Variants in CCDC30 observed in about 807,000 individuals in gnomAD.
The protein encoded by CCDC30 is coiled-coil domain containing 30, also known as coiled-coil domain-containing protein 30.
A neutral mutation model predicts 100.2 loss-of-function variants in CCDC30; 70 were observed. That is an observed-to-expected ratio of 0.70 (90% CI 0.58 to 0.85). The LOEUF (loss-of-function observed/expected upper bound fraction) is 0.85, where lower values mean the gene tolerates loss of function less well. CCDC30 is among the 40% of genes least tolerant of loss of function. The probability of loss-of-function intolerance (pLI) is 0.00; values close to 1 mark genes in which losing one functional copy is unlikely to be tolerated. For missense variants in CCDC30, 652 were observed against 771.2 expected (o/e 0.85, Z 1.83); for synonymous variants, 233 against 269.5 (o/e 0.86, Z 1.33).
chr1:42,615,049 T>C (rs1646698761), intron 11 of CCDC30, among the ~76,000 whole-genome samples: 1 of 152,126 alleles, frequency 6.6e-6, no homozygotes. Context: ...AATCGTAGAG[T>C]CATCAAATGA....
intron 7 of CCDC30, chr1:42,568,987 T>G (rs971877613): frequency 2.0e-5 from 3 of 150,444 alleles, no homozygotes; most frequent in Non-Finnish European, 4.4e-5. Context: ...AACTTGAGTA[T>G]CTAGCTAATG....
chr1:42,464,822 A>G (rs1359814080), intron 1 of CCDC30, among the ~76,000 whole-genome samples: 3 of 152,224 alleles, frequency 2.0e-5, no homozygotes, highest in African/African-American at 4.8e-5. Context: ...TGGGGCTACA[A>G]TGATTTGGAT....
At chr1:42,474,475 A>G (rs1207411194) in intron 1 of CCDC30, among the ~76,000 whole-genome samples, 4 of 152,196 alleles carry the variant, frequency 2.6e-5, no homozygotes, top group African/African-American at 7.2e-5. Flanking sequence ...TAAAGAGGAA[A>G]CGAAAGTTTG....
upstream of CCDC30, chr1:42,459,456 C>T: frequency 1.4e-6 from 1 of 738,438 alleles, no homozygotes; most frequent in Non-Finnish European, 2.2e-6. Context: ...CACTGTGTTC[C>T]CCTAAGACTT....
chr1:42,630,970 C>G (rs796594132), intron 11 of CCDC30, among the ~76,000 whole-genome samples: 3 of 152,102 alleles, frequency 2.0e-5, no homozygotes, highest in African/African-American at 7.2e-5. Context: ...GTCCCTGGTG[C>G]CTTGTTTAGT....
intron 6 of CCDC30, among the ~76,000 whole-genome samples, chr1:42,505,999 T>C (rs888134911): frequency 2.6e-5 from 4 of 152,242 alleles, no homozygotes; most frequent in Non-Finnish European, 5.9e-5. Context: ...CTTATTGTAC[T>C]GATGCAAATA....
At chr1:42,589,679 G>A in intron 10 of CCDC30, 196 bp downstream of exon 14, 1 of 450,816 alleles carries the variant, frequency 2.2e-6, no homozygotes, top group South Asian at 4.3e-5. Context: ...AGTTGGAAGG[G>A]ACCAGGGGAG....
downstream of CCDC30, among the ~76,000 whole-genome samples, chr1:42,655,411 A>G (rs1648622858): frequency 6.6e-6 from 1 of 151,930 alleles, no homozygotes; most frequent in South Asian, 2.1e-4. Flanking sequence ...CAGGTGTGGT[A>G]GTGCGCGCGC....
rs144186781 is a variant in CCDC30 at position 42,529,411 on chromosome 1, G to A, written c.456+30495G>A. ...AGCTTGAAACCAGAAGACAGAGGTT[G>A]CAGTGAGCTGAGATCATGCCACTGC... On this transcript the variant is annotated intron_variant, in intron 6 of 16. Coordinates refer to ENST00000668663, the Ensembl canonical transcript of CCDC30. Among the ~76,000 whole-genome samples the A allele has an allele frequency of 1.9e-3, 291 of 152,288 alleles. 4 individuals carry two copies. The highest frequency in any genetic ancestry group is 4.5e-3 in the African/African-American group (185 of 41,544).
intron 7 of CCDC30, among the ~76,000 whole-genome samples, chr1:42,569,939 A>T (rs12564507): frequency 0.14 from 20,593 of 152,120 alleles, 1,516 homozygotes; most frequent in East Asian, 0.17. Context: ...GAACACATGG[A>T]CACAGGGAGC....
intron 6 of CCDC30, among the ~76,000 whole-genome samples, chr1:42,549,879 T>C (rs1645215128): frequency 6.6e-6 from 1 of 152,198 alleles, no homozygotes; most frequent in Admixed American, 6.5e-5. Context: ...TCCTTGACCT[T>C]AATGAGCTTT....
intron 3 of CCDC30, among the ~76,000 whole-genome samples, chr1:42,486,321 G>C (rs958985541): frequency 9.2e-5 from 14 of 152,160 alleles, no homozygotes; most frequent in African/African-American, 3.1e-4. Flanking sequence ...CTTAAGAAAG[G>C]ACTGCTTATA....
chr1:42,458,817 G>A (rs1303157632), upstream of CCDC30, among the ~76,000 whole-genome samples: 1 of 152,170 alleles, frequency 6.6e-6, no homozygotes, highest in Non-Finnish European at 1.5e-5. Context: ...TTTTGGTCAA[G>A]TGAAAATAAA....
rs563826931 is a variant in CCDC30 at position 42,481,061 on chromosome 1, T to C, written c.15+495T>C. 4.0e-5 allele frequency among the ~76,000 whole-genome samples: 6 copies of C among 151,608 alleles called. No individual in the cohort carries two copies. In the South Asian group the frequency reaches 1.2e-3, roughly 31 times the overall value. On this transcript the variant is annotated intron_variant, in intron 2 of 16. Coordinates refer to ENST00000668663, the Ensembl canonical transcript of CCDC30. ...AGGAGTTGGAGTCTGCAGTGAGCTA[T>C]GGTTGCGCCACTGCACTCTAGCCTG...
At chr1:42,510,385 G>A (rs1306846547) in intron 6 of CCDC30, among the ~76,000 whole-genome samples, 1 of 152,150 alleles carries the variant, frequency 6.6e-6, no homozygotes, top group Non-Finnish European at 1.5e-5. Flanking sequence ...GAGGCCAGGT[G>A]TGGTGGCTCA....
At chr1:42,458,381 T>G (rs145862069), upstream of CCDC30, among the ~76,000 whole-genome samples, 43 of 152,196 alleles carry the variant, frequency 2.8e-4, no homozygotes, top group African/African-American at 9.9e-4. Flanking sequence ...TCTTAGTCAT[T>G]TATTGGGTGA....
intron 6 of CCDC30, among the ~76,000 whole-genome samples, chr1:42,552,923 T>C (rs1645283797): frequency 6.6e-6 from 1 of 152,026 alleles, no homozygotes; most frequent in Admixed American, 6.5e-5. Flanking sequence ...GTAGGGGAGC[T>C]CTTTATTATT....
intron 6 of CCDC30, among the ~76,000 whole-genome samples, chr1:42,503,303 G>A (rs561284941): frequency 3.3e-5 from 5 of 152,314 alleles, no homozygotes; most frequent in Admixed American, 3.3e-4. Flanking sequence ...AATAGGCAGA[G>A]GAAAAGAGAG....
At chr1:42,545,161 TTAAAAAAAAAAAAAA>T (rs1645098635) in intron 6 of CCDC30, among the ~76,000 whole-genome samples, 1 of 64,934 alleles carries the variant, frequency 1.5e-5, no homozygotes, top group African/African-American at 6.0e-5. Context: ...AAAAATACCT[TTAAAAAAAAAAAAAA>T]AAAAAAAAAA....
Sources: gnomAD v4.1 joint callset for allele counts (sites outside exome capture counted in the v4.1 genomes callset) on GRCh38, gnomAD v4.1.1 for gene constraint, MANE v1.5 for transcripts, NCBI Gene and HGNC (gene_info 2026-07-23, HGNC 2026-07-21) for gene names.